Variants in KALRN observed in about 807,000 individuals in gnomAD.
KALRN encodes kalirin.
A neutral mutation model predicts 353.7 loss-of-function variants in KALRN; 70 were observed. The ratio of observed to expected loss-of-function variants is 0.20; its 90% confidence interval spans 0.16 to 0.24. The LOEUF is 0.24. Ranked by LOEUF, KALRN falls within the 10% of genes least tolerant of loss-of-function variation. The pLI, the probability that KALRN is intolerant of heterozygous loss-of-function variation, is 1.00. For missense variants in KALRN, 2,791 were observed against 3,756.7 expected (o/e 0.74, Z 6.72); for synonymous variants, 1,391 against 1,434.8 (o/e 0.97, Z 0.69).
chr3:124,380,202 C>G (rs1244679984), intron 10 of KALRN, among the ~76,000 whole-genome samples: 1 of 152,222 alleles, frequency 6.6e-6, no homozygotes, highest in Non-Finnish European at 1.5e-5. Context: ...TTTAAAAAGC[C>G]TGCTTCCTGC....
intron 10 of KALRN, among the ~76,000 whole-genome samples, chr3:124,381,287 A>G (rs1350173650): frequency 1.3e-5 from 2 of 152,204 alleles, no homozygotes; most frequent in African/African-American, 4.8e-5. Context: ...CAGAGGCAAG[A>G]TTCAGTGCAG....
intron 25 of KALRN, among the ~76,000 whole-genome samples, chr3:124,471,256 TTTATTATTATTATTATTA>T (rs139584790): frequency 3.4e-4 from 47 of 138,810 alleles, no homozygotes; most frequent in African/African-American, 1.1e-3. Context: ...CCCACAAAGT[TTTATTATTATTATTATTA>T]TTATTATTAT....
At chr3:124,273,885 A>G (rs768519369) in intron 5 of KALRN, among the ~76,000 whole-genome samples, 1 of 152,144 alleles carries the variant, frequency 6.6e-6, no homozygotes, top group Non-Finnish European at 1.5e-5. Context: ...CCAGGTCACC[A>G]CTCATTGGCC....
chr3:124,305,767 G>A (rs2149264586), intron 6 of KALRN, among the ~76,000 whole-genome samples: 1 of 152,172 alleles, frequency 6.6e-6, no homozygotes, highest in Non-Finnish European at 1.5e-5. Flanking sequence ...TAAAAGAAGT[G>A]GGAGACCAGT....
intron 1 of KALRN, among the ~76,000 whole-genome samples, chr3:124,123,358 A>G (rs2064260226): frequency 6.6e-6 from 1 of 152,232 alleles, no homozygotes; most frequent in African/African-American, 2.4e-5. Context: ...ATAAAGTTCT[A>G]GCGATCTGGA....
chr3:124,263,554 A>C lies in KALRN; in HGVS notation c.264-944A>C, dbSNP rs115519367. On this transcript the variant is annotated intron_variant, in intron 3 of 59. Transcript: ENST00000682506. ...GATTGTGCCTGAGAATAGCCACTGCACTCCAGCCAGTGCACATAGCGAGAC... is the reference window on the plus strand; with the variant it reads ...GATTGTGCCTGAGAATAGCCACTGCCCTCCAGCCAGTGCACATAGCGAGAC... 9.4e-3 allele frequency among the ~76,000 whole-genome samples: 1,427 copies of C among 152,060 alleles called. 8 individuals carry two copies. Among genetic ancestry groups the C allele is most frequent in the Middle Eastern group, 0.017 (5 of 294 alleles).
intron 10 of KALRN, among the ~76,000 whole-genome samples, chr3:124,365,535 G>A (rs899843706): frequency 2.0e-5 from 3 of 152,202 alleles, no homozygotes; most frequent in Non-Finnish European, 2.9e-5. Flanking sequence ...TGAGATAAAA[G>A]TGGACTTGGC....
intron 33 of KALRN, among the ~76,000 whole-genome samples, chr3:124,512,936 G>C (rs1269548493): frequency 6.6e-6 from 1 of 152,150 alleles, no homozygotes; most frequent in East Asian, 1.9e-4. Flanking sequence ...AAAGGAACAA[G>C]ATTATCAGAT....
chr3:124,557,293 A>T (rs540352171), intron 33 of KALRN, among the ~76,000 whole-genome samples: 2 of 151,974 alleles, frequency 1.3e-5, no homozygotes, highest in African/African-American at 4.8e-5. Context: ...TTGTTGTAAA[A>T]TTTTCTTCAT....
At chr3:124,308,267 G>A (rs1320827230) in intron 6 of KALRN, among the ~76,000 whole-genome samples, 2 of 152,030 alleles carry the variant, frequency 1.3e-5, no homozygotes, top group African/African-American at 4.8e-5. Context: ...GAACAAATTA[G>A]CAGAAGGAAA....
chr3:124,455,954 C>T (rs1359535236), intron 22 of KALRN, among the ~76,000 whole-genome samples: 2 of 152,206 alleles, frequency 1.3e-5, no homozygotes, highest in Admixed American at 6.5e-5. Context: ...CAAATAGGCT[C>T]ATGATCTGAA....
chr3:124,719,380 C>T lies in KALRN; in HGVS notation c.8871C>T (p.Cys2957=). Residue 2957 remains cysteine (C), a synonymous_variant, in exon 60 of 60, where the codon TGC becomes TGT. Transcript: ENST00000682506. The surrounding 1 kb of genome is among the most constrained non-coding windows in gnomAD (Gnocchi z 5.3). ...CCCTGGACACCTCCCGCCTAGCATG[C>T]TTCATAGAACGTCGCAAGCACCAGA... ...KIPLDTSRLA[C]FIERRKHQND... is the part of the protein sequence containing the mutation. 6.2e-7 allele frequency: 1 copy of T among 1,614,208 alleles called. No individual in the cohort carries two copies. Among genetic ancestry groups the T allele is most frequent in the Non-Finnish European group, 8.5e-7 (1 of 1,180,038 alleles).
chr3:124,485,671 G>A (rs949107756), intron 28 of KALRN, among the ~76,000 whole-genome samples: 27 of 152,202 alleles, frequency 1.8e-4, no homozygotes, highest in African/African-American at 6.3e-4. Context: ...CTTGAGGTCA[G>A]GAGTTTGAGA....
At chr3:124,655,472 G>A (rs1394036242) in intron 38 of KALRN, 129 bp from the exon 39 acceptor site, 17 of 681,588 alleles carry the variant, frequency 2.5e-5, no homozygotes, top group Non-Finnish European at 4.5e-5. Flanking sequence ...ATCTTTCCCA[G>A]GAGATAAGTG....
intron 33 of KALRN, among the ~76,000 whole-genome samples, chr3:124,529,536 C>T (rs779977227): frequency 5.9e-5 from 9 of 151,960 alleles, no homozygotes; most frequent in Non-Finnish European, 8.8e-5. Context: ...CAAATTATAG[C>T]GTTGGAGCTT....
At chr3:124,198,398 G>A (rs968791302) in intron 1 of KALRN, among the ~76,000 whole-genome samples, 6 of 152,342 alleles carry the variant, frequency 3.9e-5, no homozygotes, top group East Asian at 1.9e-4. Context: ...CAGAAAATGC[G>A]TGTCAAGTCC....
intron 35 of KALRN, among the ~76,000 whole-genome samples, chr3:124,633,178 C>T (rs2080968246): frequency 6.6e-6 from 1 of 152,172 alleles, no homozygotes; most frequent in Non-Finnish European, 1.5e-5. Flanking sequence ...ATGAAGATTA[C>T]AATAGGCAGG....
intron 33 of KALRN, among the ~76,000 whole-genome samples, chr3:124,555,100 C>T (rs953986382): frequency 6.6e-6 from 1 of 152,136 alleles, no homozygotes; most frequent in Non-Finnish European, 1.5e-5. Flanking sequence ...TAGGTCCATC[C>T]TCAGTGCCGT....
At chr3:124,161,498 A>G (rs1299577377) in intron 1 of KALRN, among the ~76,000 whole-genome samples, 1 of 152,210 alleles carries the variant, frequency 6.6e-6, no homozygotes, top group East Asian at 1.9e-4. Context: ...CTCCTGCCTT[A>G]GCACTACTTT....
Sources: allele counts gnomAD v4.1 joint callset (sites outside exome capture counted in the v4.1 genomes callset), GRCh38; gene constraint gnomAD v4.1.1; non-coding constraint Gnocchi (gnomAD v3.1); transcripts MANE v1.5; gene names NCBI Gene and HGNC (gene_info 2026-07-23, HGNC 2026-07-21).